Variants in WFDC13 observed in about 807,000 individuals in gnomAD.
WFDC13 encodes the protein WAP four-disulfide core domain 13.
In WFDC13, 6 loss-of-function variants were observed where a neutral mutation model predicts 10.9. The ratio of observed to expected loss-of-function variants is 0.55; its 90% CI spans 0.30 to 1.09. WFDC13 has a LOEUF of 1.09. WFDC13 is among the 50% of genes least tolerant of loss of function. The pLI is 0.06. For synonymous variants in WFDC13, 38 were observed against 39.5 expected (o/e 0.96, Z 0.14); for missense variants, 104 against 109.6 (o/e 0.95, Z 0.23).
rs373831989 is a variant in WFDC13 at position 45,704,467 on chromosome 20, T to C, written c.112T>C (p.Cys38Arg). The change falls in exon 2 of 4, where the codon TGC becomes CGC. Residue 38 changes from cysteine (C) to arginine (R), a missense_variant. Cys to Arg is a radical substitution (Grantham distance 180). Coordinates refer to ENST00000305479, the MANE Select transcript of WFDC13 (RefSeq NM_172005.2). Reference protein sequence around the residue: ...VLKYILEPPPCISAPENCTHL... With the variant: ...VLKYILEPPPRISAPENCTHL... ...AGAGTATATCTTGGAACCTCCACCC[T>C]GCATATCAGCACCTGAAAACTGTAC... 21 of 1,613,982 alleles carry C rather than the reference T, an allele frequency of 1.3e-5. No individual in the cohort carries two copies. The highest frequency in any genetic ancestry group is 1.7e-5 in the Non-Finnish European group (20 of 1,179,962).
chr20:45,704,910 C>T, intron 2 of WFDC13: 2 of 1,613,884 alleles, frequency 1.2e-6, no homozygotes, highest in South Asian at 2.2e-5. Flanking sequence ...ATCCCAGGGA[C>T]ACTGTACCTG....
At position 45,708,419 on chromosome 20, in the gene WFDC13, T is replaced by C. The variant is rs997595052; in HGVS notation, c.*584T>C. On this transcript the variant is annotated 3_prime_UTR_variant, in exon 4 of 4. Coordinates refer to ENST00000305479, the MANE Select transcript of WFDC13 (RefSeq NM_172005.2). ...AATCAAAATCAAAGGGCTAGAACTC[T>C]CCAAGGTCTTGCCCCCGGCATGTAG... is the stretch of plus-strand genomic sequence containing the variant. 1 of 152,256 alleles carries C rather than the reference T, an allele frequency of 6.6e-6. No homozygotes were observed. Among genetic ancestry groups the C allele is most frequent in the East Asian group, 1.9e-4 (1 of 5,184 alleles). 9.4% of individuals were successfully genotyped at this position (152,256 alleles called of 1,614,324 possible).
Position 45,702,201 on chromosome 20 carries a change from GC to G in WFDC13, c.79del (p.Arg27ValfsTer3). 6.2e-7 allele frequency: 1 copy of G among 1,612,328 alleles called. No homozygotes were observed. The highest frequency in any genetic ancestry group is 1.1e-5 in the South Asian group (1 of 90,468). On this transcript the variant is annotated frameshift_variant, in exon 1 of 4. Transcript: ENST00000305479. LOFTEE classifies it high-confidence loss of function. ...AGCTGGTGCCTGGGAGTCCCAAGCAGCGTGTTCTGAGTAGGTGCTGGATCTG... is the reference window on the plus strand; with the variant it reads ...AGCTGGTGCCTGGGAGTCCCAAGCAGGTGTTCTGAGTAGGTGCTGGATCTG... ...LQLVPGSPKQ[R>X]VLKYILEPPP... is the part of the protein sequence containing the mutation.
chr20:45,704,645 CCAG>C (rs748856015), intron 2 of WFDC13, 51 bp downstream of exon 2: 1 of 1,597,686 alleles, frequency 6.3e-7, no homozygotes, highest in Non-Finnish European at 8.5e-7. Flanking sequence ...TGGTGGGAGC[CCAG>C]CAGAAGAGTC....
intron 3 of WFDC13, among the ~76,000 whole-genome samples, chr20:45,706,765 C>T (rs1984408143): frequency 9.1e-6 from 1 of 109,784 alleles, no homozygotes; most frequent in Admixed American, 8.5e-5. Context: ...GAGTGAGACT[C>T]CGTCTCAAAA....
chr20:45,704,318 C>T, intron 1 of WFDC13, 126 bp from the exon 2 acceptor site: 3 of 1,312,130 alleles, frequency 2.3e-6, no homozygotes, highest in African/African-American at 1.5e-5. Flanking sequence ...CCTGATGCCA[C>T]CACCCTGGAA....
At chr20:45,704,905 A>G in intron 2 of WFDC13, 4 of 1,613,582 alleles carry the variant, frequency 2.5e-6, no homozygotes, top group Non-Finnish European at 3.4e-6. Context: ...CCCTTATCCC[A>G]GGGACACTGT....
At chr20:45,705,550 C>G (rs1020723083) in intron 2 of WFDC13, among the ~76,000 whole-genome samples, 7 of 152,186 alleles carry the variant, frequency 4.6e-5, no homozygotes, top group Non-Finnish European at 1.0e-4. Context: ...TTAAAATAGA[C>G]AATCCATGTA....
intron 3 of WFDC13, among the ~76,000 whole-genome samples, chr20:45,707,118 G>A (rs550976478): frequency 9.9e-5 from 15 of 152,188 alleles, no homozygotes; most frequent in East Asian, 3.9e-4. Context: ...ACCATGCTGC[G>A]GATGAGCTCC....
Position 45,704,543 on chromosome 20 carries a change from C to A in WFDC13, c.188C>A (p.Ser63Tyr). 1.2e-6 allele frequency: 2 copies of A among 1,614,182 alleles called. No homozygotes were observed. The highest frequency in any genetic ancestry group is 1.3e-5 in the African/African-American group (1 of 75,032). ...TGCGAGAAAGGATTTCAGTGCTGTT[C>A]CTCCTTCTGTGGGATAGTCTGTTCA... The part of the protein sequence containing the change: ...EDCEKGFQCC[S>Y]SFCGIVCSSE... The change falls in exon 2 of 4, where the codon TCC (serine) becomes TAC (tyrosine). Residue 63 changes from serine to tyrosine, a missense_variant. Ser to Tyr is a moderately radical substitution (Grantham distance 144, BLOSUM62 -2). Transcript: ENST00000305479.
chr20:45,704,234 G>A (rs386196), intron 1 of WFDC13, among the ~76,000 whole-genome samples: 23,439 of 152,144 alleles, frequency 0.15, 2,422 homozygotes, highest in East Asian at 0.46. Flanking sequence ...ACCAAACTCT[G>A]TTCTTGATCA....
chr20:45,704,921 C>G (rs761638791), intron 2 of WFDC13: 2 of 1,613,942 alleles, frequency 1.2e-6, no homozygotes, highest in African/African-American at 2.7e-5. Flanking sequence ...ACTGTACCTG[C>G]AGGTGTAACC....
intron 3 of WFDC13, among the ~76,000 whole-genome samples, chr20:45,706,314 C>G (rs1984389356): frequency 6.6e-6 from 1 of 152,182 alleles, no homozygotes; most frequent in Non-Finnish European, 1.5e-5. Context: ...CTCTCTGAGA[C>G]AGTCACCTCC....
chr20:45,704,840 CTG>C, intron 2 of WFDC13: 1 of 1,494,338 alleles, frequency 6.7e-7, no homozygotes, highest in Non-Finnish European at 9.3e-7. Flanking sequence ...CTCTGCCTCT[CTG>C]AACACACCCA....
chr20:45,703,693 G>A (rs2145644865), intron 1 of WFDC13, among the ~76,000 whole-genome samples: 1 of 152,244 alleles, frequency 6.6e-6, no homozygotes, highest in East Asian at 1.9e-4. Context: ...GTAGGTCTTA[G>A]CTTTGAACTG....
At position 45,708,217 on chromosome 20, in the gene WFDC13, T is replaced by C. The variant is rs170800; in HGVS notation, c.*382T>C. The C allele has an allele frequency of 0.078, 11,946 of 152,224 alleles. 883 individuals are homozygous for C. The highest frequency in any genetic ancestry group is 0.18 in the African/African-American group (7,462 of 41,504). The allele number at this position is 152,224 out of a possible 1,614,324, so 9.4% of individuals were successfully genotyped here. A position where few individuals can be genotyped will look rare whatever the true frequency, so the allele number is the denominator to read the frequency against. ...CCCTTGGTTGCACTCATCAGGCTAA[T>C]TGATCCCATATTTAACCTCAAGGAG... On this transcript the variant is annotated 3_prime_UTR_variant, in exon 4 of 4. Coordinates refer to ENST00000305479, the MANE Select transcript of WFDC13 (RefSeq NM_172005.2).
In WFDC13 at chr20:45,708,607, T is replaced by A. The variant is rs1324066526; in HGVS notation, c.*772T>A. 1 of 152,112 alleles carries A rather than the reference T, an allele frequency of 6.6e-6. No homozygotes were observed. Among genetic ancestry groups the A allele is most frequent in the Non-Finnish European group, 1.5e-5 (1 of 68,018 alleles). The allele number at this position is 152,112 out of a possible 1,614,324, so 9.4% of individuals were successfully genotyped here. On this transcript the variant is annotated 3_prime_UTR_variant, in exon 4 of 4. Transcript: ENST00000305479. ...TATCCTTCTGTTCTCTCTACAGAAA[T>A]GATATAAAAACTATAGTCATAAGAA...
intron 3 of WFDC13, among the ~76,000 whole-genome samples, chr20:45,706,206 C>G (rs1306382663): frequency 6.6e-6 from 1 of 152,190 alleles, no homozygotes; most frequent in Admixed American, 6.5e-5. Flanking sequence ...GAGGCTTTGT[C>G]AAGGAACAAG....
At chr20:45,706,047 C>G (rs1984378502) in intron 3 of WFDC13, 120 bp downstream of exon 3, 2 of 801,108 alleles carry the variant, frequency 2.5e-6, no homozygotes, top group Non-Finnish European at 4.1e-6. Context: ...CTCTCATTAC[C>G]TGATTGCCTC....
Sources: gnomAD v4.1 joint callset for allele counts (sites outside exome capture counted in the v4.1 genomes callset) on GRCh38, gnomAD v4.1.1 for gene constraint, MANE v1.5 for transcripts, NCBI Gene and HGNC (gene_info 2026-07-23, HGNC 2026-07-21) for gene names.